Variants in SLC24A2 observed in about 807,000 individuals in gnomAD.
The protein encoded by SLC24A2 is solute carrier family 24 member 2, also known as sodium/potassium/calcium exchanger 2.
Under a neutral mutation model 62.0 loss-of-function variants are expected in SLC24A2, and 36 were observed. That is an observed-to-expected ratio of 0.58 (90% CI 0.44 to 0.77). The LOEUF (loss-of-function observed/expected upper bound fraction) is 0.77, where lower values mean the gene tolerates loss of function less well. Among genes scored for constraint, SLC24A2 ranks in the 30% least tolerant of loss-of-function variants. SLC24A2 has a pLI of 0.00. For missense variants in SLC24A2, 846 were observed against 817.9 expected, an observed-to-expected ratio of 1.03 and a Z score of -0.42; for synonymous variants, 358 against 294.0, an observed-to-expected ratio of 1.22 and a Z score of -2.23.
the SLC24A2 span, among the ~76,000 whole-genome samples, chr9:20,257,399 T>G: frequency 6.6e-6 from 1 of 151,914 alleles, no homozygotes; most frequent in Admixed American, 6.6e-5. Context: ...CCTGGTGCCC[T>G]TTTTTTTCTA....
the SLC24A2 span, among the ~76,000 whole-genome samples, chr9:19,813,616 G>C: frequency 6.6e-6 from 1 of 151,974 alleles, no homozygotes; most frequent in African/African-American, 2.4e-5. Flanking sequence ...ACCACGTCCA[G>C]CCCATCTTCC....
At chr9:19,815,870 C>G in the SLC24A2 span, among the ~76,000 whole-genome samples, 1 of 151,692 alleles carries the variant, frequency 6.6e-6, no homozygotes, top group African/African-American at 2.4e-5. Flanking sequence ...ATAATTGTAG[C>G]CCATGTAATG....
At chr9:20,246,020 T>C in the SLC24A2 span, among the ~76,000 whole-genome samples, 2 of 152,158 alleles carry the variant, frequency 1.3e-5, no homozygotes, top group Admixed American at 6.5e-5. Context: ...CAAAACTCTA[T>C]GTATACTGTT....
intron 2 of SLC24A2, among the ~76,000 whole-genome samples, chr9:19,764,781 T>C (rs1214104851): frequency 6.6e-6 from 1 of 152,210 alleles, no homozygotes; most frequent in Non-Finnish European, 1.5e-5. Flanking sequence ...TCTGTTGATC[T>C]GGGGTGGAGA....
the SLC24A2 span, among the ~76,000 whole-genome samples, chr9:20,081,019 C>A: frequency 6.6e-6 from 1 of 152,150 alleles, no homozygotes; most frequent in Non-Finnish European, 1.5e-5. Context: ...AACACTTTTA[C>A]AATGTTGGTG....
At chr9:19,820,037 A>G in the SLC24A2 span, among the ~76,000 whole-genome samples, 11 of 34,026 alleles carry the variant, frequency 3.2e-4, no homozygotes, top group African/African-American at 5.4e-4. Context: ...ACATATATAT[A>G]TATACATATA....
the SLC24A2 span, among the ~76,000 whole-genome samples, chr9:20,067,747 C>A: frequency 6.6e-6 from 1 of 152,158 alleles, no homozygotes; most frequent in Non-Finnish European, 1.5e-5. Flanking sequence ...TAGAACTCCA[C>A]AGTGTATATG....
intron 4 of SLC24A2, among the ~76,000 whole-genome samples, chr9:19,618,627 A>C (rs1817830096): frequency 1.3e-5 from 2 of 152,148 alleles, no homozygotes; most frequent in Non-Finnish European, 2.9e-5. Flanking sequence ...TTGATTGCTT[A>C]TATTCTTGAA....
At chr9:20,301,733 A>T in the SLC24A2 span, among the ~76,000 whole-genome samples, 2 of 152,152 alleles carry the variant, frequency 1.3e-5, no homozygotes, top group African/African-American at 4.8e-5. Context: ...ACTGTCAGCC[A>T]ATGTTGACAC....
At chr9:19,884,911 T>G in the SLC24A2 span, among the ~76,000 whole-genome samples, 1 of 152,134 alleles carries the variant, frequency 6.6e-6, no homozygotes, top group Non-Finnish European at 1.5e-5. Context: ...GACTTAGGAT[T>G]TTTTCAACTT....
chr9:19,820,412 C>T, the SLC24A2 span, among the ~76,000 whole-genome samples: 1 of 150,566 alleles, frequency 6.6e-6, no homozygotes, highest in Non-Finnish European at 1.5e-5. Context: ...CAAATACCAC[C>T]TGTACCCCAT....
chr9:19,648,060 T>C (rs958625155), intron 2 of SLC24A2, among the ~76,000 whole-genome samples: 1 of 152,144 alleles, frequency 6.6e-6, no homozygotes, highest in African/African-American at 2.4e-5. Flanking sequence ...TCACTAGTTC[T>C]CATAAATAAA....
chr9:19,517,957 A>ACTCTCT (rs71335435), intron 10 of SLC24A2, among the ~76,000 whole-genome samples: 1 of 135,480 alleles, frequency 7.4e-6, no homozygotes, highest in African/African-American at 2.7e-5. Context: ...ACACACACAC[A>ACTCTCT]CTCTCACACT....
chr9:20,263,169 C>G, the SLC24A2 span, among the ~76,000 whole-genome samples: 1 of 152,266 alleles, frequency 6.6e-6, no homozygotes, highest in East Asian at 1.9e-4. Flanking sequence ...CTGGTTTGTT[C>G]TGAGGTTAAC....
the SLC24A2 span, among the ~76,000 whole-genome samples, chr9:19,985,305 T>C: frequency 5.9e-5 from 9 of 152,158 alleles, no homozygotes; most frequent in Non-Finnish European, 1.0e-4. Context: ...ACATAGCAAC[T>C]TCATTCACAA....
chr9:19,711,443 C>T (rs569277458), intron 2 of SLC24A2, among the ~76,000 whole-genome samples: 2 of 152,052 alleles, frequency 1.3e-5, no homozygotes, highest in African/African-American at 4.8e-5. Flanking sequence ...ACAACCAATG[C>T]CATAAACATT....
intron 10 of SLC24A2, among the ~76,000 whole-genome samples, chr9:19,519,681 C>T (rs1405177951): frequency 6.6e-6 from 1 of 152,106 alleles, no homozygotes; most frequent in Non-Finnish European, 1.5e-5. Context: ...GGCAGATATA[C>T]CAGGACAAGA....
At chr9:20,250,707 AG>A in the SLC24A2 span, among the ~76,000 whole-genome samples, 1 of 152,214 alleles carries the variant, frequency 6.6e-6, no homozygotes, top group Non-Finnish European at 1.5e-5. Context: ...TTGAAGTGAA[AG>A]CTCAACATTG....
At chr9:19,595,376 A>C (rs1836678163) in intron 5 of SLC24A2, among the ~76,000 whole-genome samples, 1 of 152,132 alleles carries the variant, frequency 6.6e-6, no homozygotes. Flanking sequence ...ATTACCCATC[A>C]CTGTAATGGG....
Sources: gnomAD v4.1 joint callset for allele counts (sites outside exome capture counted in the v4.1 genomes callset) on GRCh38, gnomAD v4.1.1 for gene constraint, MANE v1.5 for transcripts, NCBI Gene and HGNC (gene_info 2026-07-23, HGNC 2026-07-21) for gene names.